The following PCDHGA7 variants were observed in gnomAD, a reference collection of about 807,000 sequenced individuals.
PCDHGA7 encodes protocadherin gamma-A7.
In PCDHGA7, 44 loss-of-function variants were observed where a neutral mutation model predicts 58.3. That is an observed-to-expected ratio of 0.75 (90% CI 0.59 to 0.97). The LOEUF (loss-of-function observed/expected upper bound fraction) is 0.97. Among genes scored for constraint, PCDHGA7 ranks in the 50% least tolerant of loss-of-function variants. PCDHGA7 has a pLI of 0.00. For missense variants in PCDHGA7, 1,266 were observed against 1,188.7 expected, an observed-to-expected ratio of 1.06 and a Z score of -0.96; for synonymous variants, 516 against 504.2, an observed-to-expected ratio of 1.02 and a Z score of -0.31.
In PCDHGA7 at chr5:141,487,522, T is replaced by C. The variant is rs764726787; in HGVS notation, c.2425-7285T>C. 2 of 1,614,166 alleles carry C rather than the reference T, an allele frequency of 1.2e-6. No individual in the cohort carries two copies. The highest frequency in any genetic ancestry group is 1.7e-6 in the Non-Finnish European group (2 of 1,180,022). ...TGGCTTCTGCACCCACTCGGAGTGATAGCTTCATGATGGTGAAGTCACCCA... is the reference window on the plus strand; with the variant it reads ...TGGCTTCTGCACCCACTCGGAGTGACAGCTTCATGATGGTGAAGTCACCCA... On this transcript the variant is annotated intron_variant, in intron 1 of 3. Coordinates refer to ENST00000518325, the MANE Select transcript of PCDHGA7 (RefSeq NM_018920.4). This position sits in a 1 kb window ranked among gnomAD's most constrained non-coding sequence, Gnocchi z 5.0.
At chr5:141,399,254 G>A (rs2093775351) in intron 1 of PCDHGA7, 1 of 1,613,806 alleles carries the variant, frequency 6.2e-7, no homozygotes, top group East Asian at 2.2e-5. Context: ...GGGGAAAATG[G>A]GGAGGTTAAT....
Position 141,409,934 on chromosome 5 carries a change from G to A in PCDHGA7, c.2424+24611G>A. The A allele has an allele frequency of 1.9e-6, 3 of 1,613,362 alleles. No individual in the cohort carries two copies. Among genetic ancestry groups the A allele is most frequent in the South Asian group, 2.2e-5 (2 of 91,074 alleles). On this transcript the variant is annotated intron_variant, in intron 1 of 3. Transcript: ENST00000518325. ...TGACGGCTCCGCGTTCTTCGATATG[G>A]TACCTCGCTCTGCAGAGCCCGGCTA...
In PCDHGA7 at chr5:141,383,316, T is replaced by C. The variant is rs1779018146; in HGVS notation, c.417T>C (p.Asn139=). ...CAAGATTCTTGACGGAAGAAATAAA[T>C]GTAAAAATAATGGAGAATACAGCTC... is the stretch of plus-strand genomic sequence containing the variant. ...NVPRFLTEEI[N]VKIMENTAPG... The change falls in exon 1 of 4, where the codon AAT becomes AAC. Residue 139 remains asparagine, a synonymous_variant. Transcript: ENST00000518325. 3 of 1,613,880 alleles carry C rather than the reference T, an allele frequency of 1.9e-6. No homozygotes were observed. Among genetic ancestry groups the C allele is most frequent in the Non-Finnish European group, 1.7e-6 (2 of 1,179,872 alleles).
Position 141,395,019 on chromosome 5 carries a change from C to G in PCDHGA7, c.2424+9696C>G, listed in dbSNP as rs374672662. On this transcript the variant is annotated intron_variant, in intron 1 of 3. Transcript: ENST00000518325. ...TTCCGGTGGCAGATTGGTAGGCGTG[C>G]CTGCCTCACATTTTGTGGGTGTTGA... The G allele has an allele frequency of 3.7e-6, 6 of 1,613,986 alleles. No homozygotes were observed. Among genetic ancestry groups the G allele is most frequent in the Non-Finnish European group, 5.1e-6 (6 of 1,180,016 alleles).
rs778198822 is a variant in PCDHGA7, at chr5:141,432,802, A to C, written c.2424+47479A>C. 6.2e-7 allele frequency: 1 copy of C among 1,614,082 alleles called. No homozygotes were observed. The highest frequency in any genetic ancestry group is 1.1e-5 in the South Asian group (1 of 91,076). The stretch of plus-strand genomic sequence containing the variant: ...CGGACCTCGGCAGCCTCGAGTCTCC[A>C]GCTAACTCTGAAACCTCAGACCTCA... On this transcript the variant is annotated intron_variant, in intron 1 of 3. Transcript: ENST00000518325. This position sits in a 1 kb window ranked among gnomAD's most constrained non-coding sequence, Gnocchi z 6.0.
At chr5:141,499,184 A>G (rs2099789986) in intron 2 of PCDHGA7, among the ~76,000 whole-genome samples, 1 of 151,726 alleles carries the variant, frequency 6.6e-6, no homozygotes, top group African/African-American at 2.4e-5. Context: ...CCAGCAAACC[A>G]TTTCCCCCTT....
At chr5:141,442,445 T>A (rs2098325574) in intron 1 of PCDHGA7, 1 of 152,198 alleles carries the variant, frequency 6.6e-6, no homozygotes, top group South Asian at 2.1e-4. Flanking sequence ...CCCTCAGGAC[T>A]CAATAGCAGT....
rs1233637152 is a variant in PCDHGA7 at position 141,432,543 on chromosome 5, A to G, written c.2424+47220A>G. ...CTGGTGACCAAGGTGGTGGCGGTGGACAGAGACTCCGGCCAGAACGCCTGG... is the reference window on the plus strand; with the variant it reads ...CTGGTGACCAAGGTGGTGGCGGTGGGCAGAGACTCCGGCCAGAACGCCTGG... On this transcript the variant is annotated intron_variant, in intron 1 of 3. Transcript: ENST00000518325. This position sits in a 1 kb window ranked among gnomAD's most constrained non-coding sequence, Gnocchi z 6.0. 3 of 1,613,678 alleles carry G rather than the reference A, an allele frequency of 1.9e-6. No individual in the cohort carries two copies. In the African/African-American group the frequency reaches 4.0e-5, roughly 22 times the overall value.
At position 141,418,815 on chromosome 5, in the gene PCDHGA7, T is replaced by C. The variant is rs368396202; in HGVS notation, c.2424+33492T>C. The stretch of plus-strand genomic sequence containing the variant: ...GAAGTAGAAAGATATACGATAAACA[T>C]AGAAGCAAAAGACCGAGGATCTCTC... On this transcript the variant is annotated intron_variant, in intron 1 of 3. Transcript: ENST00000518325. 509 of 1,613,744 alleles carry C rather than the reference T, an allele frequency of 3.2e-4. No homozygotes were observed. The highest frequency in any genetic ancestry group is 4.1e-4 in the Non-Finnish European group (488 of 1,179,804).
chr5:141,496,511 C>T (rs1161285563), intron 2 of PCDHGA7, among the ~76,000 whole-genome samples: 1 of 152,182 alleles, frequency 6.6e-6, no homozygotes, highest in Non-Finnish European at 1.5e-5. Flanking sequence ...CACAAGGACC[C>T]AGGAGCCCTT....
intron 1 of PCDHGA7, chr5:141,421,253 A>G: frequency 6.2e-7 from 1 of 1,607,298 alleles, no homozygotes; most frequent in South Asian, 1.1e-5. Context: ...CAGCGCGGGG[A>G]CCGCAGTCGG....
chr5:141,420,804 G>C (rs1283868316), intron 1 of PCDHGA7, among the ~76,000 whole-genome samples: 1 of 152,188 alleles, frequency 6.6e-6, no homozygotes, highest in Non-Finnish European at 1.5e-5. Context: ...TAAAAATTAA[G>C]CAAGCCCTTT....
rs1325191501 is a variant in PCDHGA7 at position 141,385,071 on chromosome 5, G to T, written c.2172G>T (p.Leu724=). ...LRLRRWHKSR[L]LQASEGGLAN... ...TGCGGCGCTGGCACAAGTCACGCCT[G>T]CTGCAGGCTTCAGAAGGTGGCTTGG... The change falls in exon 1 of 4, where the codon CTG becomes CTT. Residue 724 remains leucine, a synonymous_variant. Coordinates refer to ENST00000518325, the MANE Select transcript of PCDHGA7 (RefSeq NM_018920.4). 1 of 1,614,088 alleles carries T rather than the reference G, an allele frequency of 6.2e-7. No individual in the cohort carries two copies. The highest frequency in any genetic ancestry group is 8.5e-7 in the Non-Finnish European group (1 of 1,180,056).
chr5:141,404,764 C>A lies in PCDHGA7; in HGVS notation c.2424+19441C>A, dbSNP rs371618979. 152 of 1,613,920 alleles carry A rather than the reference C, an allele frequency of 9.4e-5. 1 individual carries two copies. In the African/African-American group the frequency reaches 1.6e-3, roughly 17 times the overall value. ...GAGACTCAGGCCAGAATGCTTGGCT[C>A]TCCTACCGCCTATTCAAGGCCAGTG... On this transcript the variant is annotated intron_variant, in intron 1 of 3. Coordinates refer to ENST00000518325, the MANE Select transcript of PCDHGA7 (RefSeq NM_018920.4).
intron 1 of PCDHGA7, chr5:141,399,431 T>A (rs757950073): frequency 3.1e-6 from 5 of 1,613,970 alleles, no homozygotes; most frequent in Admixed American, 3.3e-5. Context: ...ATAAGCGTCA[T>A]CCTACATATC....
intron 1 of PCDHGA7, chr5:141,389,142 G>C (rs72790030): frequency 2.5e-6 from 4 of 1,613,970 alleles, no homozygotes; most frequent in African/African-American, 2.7e-5. Flanking sequence ...CAATATAACC[G>C]TTACGGCAAC....
At position 141,423,614 on chromosome 5, in the gene PCDHGA7, A is replaced by C. The variant is rs1365658002; in HGVS notation, c.2424+38291A>C. 8 of 1,610,406 alleles carry C rather than the reference A, an allele frequency of 5.0e-6. No homozygotes were observed. The highest frequency in any genetic ancestry group is 6.8e-6 in the Non-Finnish European group (8 of 1,178,132). ...AAAAGCGAGCCACTCTTGATAGCTG[A>C]AGACTCAGCTATCATTTTAGGCAAA... On this transcript the variant is annotated intron_variant, in intron 1 of 3. Transcript: ENST00000518325.
At chr5:141,464,134 G>A (rs1270558696) in intron 1 of PCDHGA7, among the ~76,000 whole-genome samples, 1 of 151,944 alleles carries the variant, frequency 6.6e-6, no homozygotes, top group Admixed American at 6.6e-5. Context: ...GTGTGGTGGT[G>A]GGCGCCTGTA....
At chr5:141,500,914 G>T (rs1237339394) in intron 2 of PCDHGA7, among the ~76,000 whole-genome samples, 2 of 151,130 alleles carry the variant, frequency 1.3e-5, no homozygotes, top group Non-Finnish European at 2.9e-5. Flanking sequence ...CTGTCTCCAG[G>T]CTGGGGTGCA....
Sources: gnomAD v4.1 joint callset for allele counts (sites outside exome capture counted in the v4.1 genomes callset) on GRCh38, gnomAD v4.1.1 for gene constraint, Gnocchi (gnomAD v3.1) non-coding constraint, MANE v1.5 for transcripts, NCBI Gene and HGNC (gene_info 2026-07-23, HGNC 2026-07-21) for gene names.